RUVBL2: variants seen among roughly 807,000 people sequenced by gnomAD.
The protein encoded by RUVBL2 is RuvB like AAA ATPase 2, also known as ruvB-like 2.
RUVBL2 carries 9 observed loss-of-function variants against 57.9 expected under a neutral mutation model. That is an observed-to-expected ratio of 0.16 (90% CI 0.09 to 0.27). The LOEUF is 0.27. Among genes scored for constraint, RUVBL2 ranks in the 10% least tolerant of loss-of-function variants. The probability of loss-of-function intolerance (pLI) is 1.00; values close to 1 mark genes in which losing one functional copy is unlikely to be tolerated. For synonymous variants in RUVBL2, 278 were observed against 264.6 expected (o/e 1.05, Z -0.49); for missense variants, 456 against 669.6 (o/e 0.68, Z 3.52).
At chr19:49,008,566 C>T (rs1041319212) in intron 6 of RUVBL2, among the ~76,000 whole-genome samples, 1 of 150,250 alleles carries the variant, frequency 6.7e-6, no homozygotes, top group African/African-American at 2.4e-5. Flanking sequence ...TGAGTTTTGG[C>T]CAGGCGCAGT....
intron 1 of RUVBL2, among the ~76,000 whole-genome samples, chr19:48,998,664 G>C (rs1378192142): frequency 6.6e-6 from 1 of 150,598 alleles, no homozygotes; most frequent in Non-Finnish European, 1.5e-5. Context: ...AGCTGAGATC[G>C]GGCCACTGCA....
chr19:49,006,845 G>A (rs763785960), intron 4 of RUVBL2, among the ~76,000 whole-genome samples, 173 bp from the exon 5 acceptor site: 5 of 152,236 alleles, frequency 3.3e-5, no homozygotes, highest in African/African-American at 4.8e-5. Context: ...GCTGAACCCC[G>A]CTCTCCAGTT....
At chr19:49,013,774 C>T (rs539794455) in intron 11 of RUVBL2, among the ~76,000 whole-genome samples, 33 of 152,208 alleles carry the variant, frequency 2.2e-4, no homozygotes, top group Admixed American at 3.9e-4. Flanking sequence ...ACTAGCTGGG[C>T]GTGATGGCGT....
rs142774955 is a variant in RUVBL2 at position 49,013,900 on chromosome 19, G to A, written c.1002-584G>A. On this transcript the variant is annotated intron_variant, in intron 11 of 14. Coordinates refer to ENST00000595090, the MANE Select transcript of RUVBL2 (RefSeq NM_006666.3). ...CTGCACTCCAGCCTCGCAACAGAGC[G>A]AGACTCCGTCTCAAAAAACAAACCA... Among the ~76,000 whole-genome samples, 768 of 152,334 alleles carry A rather than the reference G, an allele frequency of 5.0e-3. 4 individuals carry two copies. Among genetic ancestry groups the A allele is most frequent in the Non-Finnish European group, 8.2e-3 (560 of 68,032 alleles).
Position 49,010,083 on chromosome 19 carries a change from C to T in RUVBL2, c.663+17C>T, listed in dbSNP as rs555732097. ...GGCTCCCAGGTGCGGCCGGGACTCC[C>T]GGGATCCCCTCGCCCCCAGCACTGG... is the stretch of plus-strand genomic sequence containing the variant. On this transcript the variant is annotated intron_variant, in intron 8 of 14. Transcript: ENST00000595090. 3.5e-5 allele frequency: 56 copies of T among 1,605,856 alleles called. No homozygotes were observed. Among genetic ancestry groups the T allele is most frequent in the Admixed American group, 1.0e-4 (6 of 59,126 alleles).
intron 4 of RUVBL2, among the ~76,000 whole-genome samples, chr19:49,006,701 A>C (rs1304981166): frequency 6.6e-6 from 1 of 152,236 alleles, no homozygotes; most frequent in African/African-American, 2.4e-5. Flanking sequence ...TCTGAGGCTA[A>C]ACAGCTCGTA....
chr19:49,010,156 C>T (rs2039382603), intron 8 of RUVBL2, 90 bp downstream of exon 8: 1 of 1,168,806 alleles, frequency 8.6e-7, no homozygotes, highest in Non-Finnish European at 1.2e-6. Flanking sequence ...GGGTCTGGAT[C>T]TTCCTGTTAC....
At position 49,015,001 on chromosome 19, in the gene RUVBL2, C is replaced by CTGTCCCCCACTGCTTGCA; in HGVS notation, c.1122-19_1122-2dup. On this transcript the variant is annotated intron_variant, in intron 12 of 14. Coordinates refer to ENST00000595090, the MANE Select transcript of RUVBL2 (RefSeq NM_006666.3). ...AGGCTGGGCCCCGGCTGAGCCACCC[C>CTGTCCCCCACTGCTTGCA]TGTCCCCCACTGCTTGCAGGTGCGA... 6.3e-7 allele frequency: 1 copy of CTGTCCCCCACTGCTTGCA among 1,583,586 alleles called. No homozygotes were observed. Among genetic ancestry groups the CTGTCCCCCACTGCTTGCA allele is most frequent in the Non-Finnish European group, 8.6e-7 (1 of 1,166,058 alleles).
chr19:49,002,993 G>C (rs1199361091), intron 2 of RUVBL2, among the ~76,000 whole-genome samples: 1 of 152,212 alleles, frequency 6.6e-6, no homozygotes, highest in Non-Finnish European at 1.5e-5. Flanking sequence ...CTTGTGGTTA[G>C]ATCTTAGTAC....
intron 7 of RUVBL2, 25 bp downstream of exon 7, chr19:49,009,907 G>A: frequency 6.2e-7 from 1 of 1,613,268 alleles, no homozygotes; most frequent in South Asian, 1.1e-5. Context: ...GCCATGCCAG[G>A]CAGCCAGGGG....
At chr19:49,010,467 T>TGCGCC in intron 8 of RUVBL2, 21 bp from the exon 9 acceptor site, 2 of 1,401,206 alleles carry the variant, frequency 1.4e-6, no homozygotes, top group Non-Finnish European at 2.0e-6. Flanking sequence ...CCGCCGTTCT[T>TGCGCC]CCCCCACCCC....
At chr19:49,014,755 G>T in intron 12 of RUVBL2, 152 bp downstream of exon 12, 1 of 1,180,002 alleles carries the variant, frequency 8.5e-7, no homozygotes, top group Non-Finnish European at 1.2e-6. Context: ...CCTCCGATCC[G>T]GGAGCAGGAG....
At chr19:49,015,378 CTGAGGAA>C in intron 13 of RUVBL2, 187 bp from the exon 14 acceptor site, 1 of 708,694 alleles carries the variant, frequency 1.4e-6, no homozygotes, top group Non-Finnish European at 2.4e-6. Flanking sequence ...GATAAAGAAA[CTGAGGAA>C]TGAAGAGGCT....
rs2039222567 is a variant in RUVBL2, at chr19:49,003,431, C to A, written c.123+97C>A. Reference sequence around the variant, plus strand: ...GGGAGTGTGGGGACTATGTTACGGTCTTCTGGACCTTTGGCTACATACCCA... The same window carrying A: ...GGGAGTGTGGGGACTATGTTACGGTATTCTGGACCTTTGGCTACATACCCA... On this transcript the variant is annotated intron_variant, in intron 3 of 14. Coordinates refer to ENST00000595090, the MANE Select transcript of RUVBL2 (RefSeq NM_006666.3). 4.5e-6 allele frequency: 5 copies of A among 1,106,850 alleles called. No individual in the cohort carries two copies. In the Admixed American group the frequency reaches 8.4e-5, roughly 19 times the overall value. The allele number at this position is 1,106,850 out of a possible 1,614,324, so 68.6% of individuals were successfully genotyped here. A position where few individuals can be genotyped will look rare whatever the true frequency, so the allele number is the denominator to read the frequency against.
At chr19:48,997,628 CA>C (rs34730869) in intron 1 of RUVBL2, among the ~76,000 whole-genome samples, 37,221 of 108,504 alleles carry the variant, frequency 0.34, 5,450 homozygotes, top group African/African-American at 0.52. Flanking sequence ...GACTATGTCT[CA>C]AAAAAAAAAA....
In RUVBL2 at chr19:49,007,112, G is replaced by A. The variant is rs747566108; in HGVS notation, c.360G>A (p.Thr120=). The change falls in exon 5 of 15, where the codon ACG becomes ACA. Residue 120 remains threonine (T), a synonymous_variant. Coordinates refer to ENST00000595090, the MANE Select transcript of RUVBL2 (RefSeq NM_006666.3). ...AGATGAGCAAGACCGAGGCGCTGAC[G>A]CAGGCCTTCCGGCGGTCCATCGGCG... The part of the protein sequence containing the change: ...SLEMSKTEAL[T]QAFRRSIGVR... The A allele has an allele frequency of 1.7e-5, 28 of 1,613,160 alleles. No individual in the cohort carries two copies. The highest frequency in any genetic ancestry group is 1.1e-4 in the African/African-American group (8 of 74,960).
At chr19:49,012,873 A>ACACACACG (rs896981040) in intron 11 of RUVBL2, among the ~76,000 whole-genome samples, 1 of 150,188 alleles carries the variant, frequency 6.7e-6, no homozygotes, top group Admixed American at 6.6e-5. Context: ...ACACACACAC[A>ACACACACG]CACACACACA....
chr19:49,015,452 A>C, intron 13 of RUVBL2, 120 bp from the exon 14 acceptor site: 1 of 849,556 alleles, frequency 1.2e-6, no homozygotes, highest in East Asian at 2.5e-5. Flanking sequence ...TCTGGCCCAG[A>C]ATGCCCTCCC....
chr19:49,007,958 T>C (rs1419908836), intron 6 of RUVBL2, among the ~76,000 whole-genome samples: 8 of 151,190 alleles, frequency 5.3e-5, no homozygotes, highest in Admixed American at 2.0e-4. Context: ...CTGCCCACCT[T>C]GGCCTCCCAA....
Sources: gnomAD v4.1 joint callset for allele counts (sites outside exome capture counted in the v4.1 genomes callset) on GRCh38, gnomAD v4.1.1 for gene constraint, MANE v1.5 for transcripts, NCBI Gene and HGNC (gene_info 2026-07-23, HGNC 2026-07-21) for gene names.